The following IQCK variants were observed in gnomAD, a reference collection of about 807,000 sequenced individuals.
IQCK encodes the protein IQ motif containing K, also known as IQ domain-containing protein K.
In IQCK, 29 loss-of-function variants were observed where a neutral mutation model predicts 28.1. That is an observed-to-expected ratio of 1.03 (90% CI 0.77 to 1.41). IQCK has a LOEUF of 1.41. Among genes scored for constraint, IQCK ranks in the 40% most tolerant of loss-of-function variants. IQCK has a pLI of 0.00. For synonymous variants in IQCK, 113 were observed against 115.1 expected (o/e 0.98, Z 0.12); for missense variants, 359 against 314.7 (o/e 1.14, Z -1.07).
At chr16:19,818,205 C>T (rs888949330) in intron 7 of IQCK, among the ~76,000 whole-genome samples, 1 of 152,034 alleles carries the variant, frequency 6.6e-6, no homozygotes, top group Non-Finnish European at 1.5e-5. Flanking sequence ...TCTAGGATGC[C>T]TGATTCTTAT....
intron 4 of IQCK, among the ~76,000 whole-genome samples, chr16:19,752,859 C>T (rs1036155034): frequency 2.6e-5 from 4 of 152,062 alleles, no homozygotes; most frequent in Non-Finnish European, 5.9e-5. Context: ...CCATCGTGCC[C>T]GGACCTTTTA....
intron 4 of IQCK, among the ~76,000 whole-genome samples, chr16:19,747,491 CT>C (rs529141121): frequency 4.9e-3 from 705 of 142,978 alleles, no homozygotes; most frequent in Middle Eastern, 7.1e-3. Context: ...AAATAGATTC[CT>C]TTTTTTTTTT....
At chr16:19,731,566 G>C (rs899175705) in intron 2 of IQCK, among the ~76,000 whole-genome samples, 1 of 152,150 alleles carries the variant, frequency 6.6e-6, no homozygotes, top group African/African-American at 2.4e-5. Context: ...TTCTTCCAGG[G>C]TCAGCTGTTC....
At chr16:19,834,668 T>C (rs1192230012) in intron 9 of IQCK, among the ~76,000 whole-genome samples, 1 of 152,196 alleles carries the variant, frequency 6.6e-6, no homozygotes, top group Non-Finnish European at 1.5e-5. Context: ...TGGGGAGATA[T>C]TTTCACTAAA....
At chr16:19,805,223 A>G (rs2055819104) in intron 7 of IQCK, among the ~76,000 whole-genome samples, 1 of 129,550 alleles carries the variant, frequency 7.7e-6, no homozygotes, top group Non-Finnish European at 1.5e-5. Context: ...GTGAAGAGAG[A>G]TGGCATCTGG....
chr16:19,733,129 T>G (rs1019448757), intron 2 of IQCK, among the ~76,000 whole-genome samples: 2 of 151,952 alleles, frequency 1.3e-5, no homozygotes, highest in African/African-American at 2.4e-5. Flanking sequence ...CACTCTTGCT[T>G]CTTTTATTTA....
intron 4 of IQCK, among the ~76,000 whole-genome samples, chr16:19,738,728 G>GGT (rs2054792548): frequency 1.3e-5 from 2 of 152,210 alleles, no homozygotes; most frequent in African/African-American, 4.8e-5. Context: ...TTATCTCAGT[G>GGT]ATACAGTGGT....
intron 4 of IQCK, among the ~76,000 whole-genome samples, chr16:19,743,244 G>C (rs1033400861): frequency 6.6e-6 from 1 of 152,188 alleles, no homozygotes; most frequent in Non-Finnish European, 1.5e-5. Flanking sequence ...GCACTCTGGA[G>C]GTCTGTGACC....
intron 7 of IQCK, among the ~76,000 whole-genome samples, chr16:19,803,731 C>T (rs747972015): frequency 5.9e-5 from 9 of 152,130 alleles, no homozygotes; most frequent in Non-Finnish European, 1.3e-4. Flanking sequence ...TAGCTCACTA[C>T]GGACTTGAAC....
At chr16:19,771,454 A>G (rs2055320242) in intron 6 of IQCK, among the ~76,000 whole-genome samples, 3 of 152,164 alleles carry the variant, frequency 2.0e-5, no homozygotes, top group Non-Finnish European at 4.4e-5. Context: ...ACGAAGTGTA[A>G]TGGAGAATGT....
chr16:19,720,927 G>C (rs1977473616), intron 1 of IQCK, among the ~76,000 whole-genome samples: 1 of 151,888 alleles, frequency 6.6e-6, no homozygotes, highest in Non-Finnish European at 1.5e-5. Flanking sequence ...CAGGAGAGTC[G>C]CTTGAACCTG....
At chr16:19,758,919 A>C (rs139178955) in intron 4 of IQCK, among the ~76,000 whole-genome samples, 1 of 152,326 alleles carries the variant, frequency 6.6e-6, no homozygotes, top group East Asian at 1.9e-4. Context: ...TTTCACAACA[A>C]TCGTTTCAAC....
At chr16:19,728,652 G>C (rs1230419374) in intron 1 of IQCK, among the ~76,000 whole-genome samples, 1 of 152,204 alleles carries the variant, frequency 6.6e-6, no homozygotes, top group Non-Finnish European at 1.5e-5. Flanking sequence ...CTGATACCTT[G>C]AATTCAGCCT....
exon 4 of IQCK, chr16:19,735,431 A>G (rs1331038622): frequency 1.2e-6 from 2 of 1,612,986 alleles, no homozygotes; most frequent in Admixed American, 3.3e-5. Context: ...CACCAAGCGA[A>G]GAAAGAAAAA....
intron 6 of IQCK, among the ~76,000 whole-genome samples, chr16:19,774,209 G>C (rs184092691): frequency 6.6e-6 from 1 of 152,084 alleles, no homozygotes; most frequent in South Asian, 2.1e-4. Flanking sequence ...ACTTCCAGCT[G>C]TGTGACTTTG....
chr16:19,831,284 T>C (rs1009847270), downstream of IQCK, among the ~76,000 whole-genome samples: 1 of 152,232 alleles, frequency 6.6e-6, no homozygotes, highest in African/African-American at 2.4e-5. Flanking sequence ...GTTTCCTCTC[T>C]GGGCTTCAGG....
At chr16:19,726,230 T>C (rs1038020710) in intron 1 of IQCK, among the ~76,000 whole-genome samples, 1 of 152,120 alleles carries the variant, frequency 6.6e-6, no homozygotes, top group East Asian at 1.9e-4. Flanking sequence ...TCCTGAGAGA[T>C]TTCACTGGAA....
chr16:19,817,625 T>C (rs2056006836), intron 7 of IQCK, among the ~76,000 whole-genome samples: 2 of 152,296 alleles, frequency 1.3e-5, no homozygotes, highest in South Asian at 4.1e-4. Context: ...GTTTTTGTTG[T>C]TGTTGTTGTT....
At chr16:19,799,699 C>T in intron 7 of IQCK, among the ~76,000 whole-genome samples, 1 of 117,662 alleles carries the variant, frequency 8.5e-6, no homozygotes. Flanking sequence ...CTTGTTTCCT[C>T]TCCTATATAT....
Sources: allele counts gnomAD v4.1 joint callset (sites outside exome capture counted in the v4.1 genomes callset), GRCh38; gene constraint gnomAD v4.1.1; transcripts MANE v1.5; gene names NCBI Gene and HGNC (gene_info 2026-07-23, HGNC 2026-07-21).